NAV2: variants seen among roughly 807,000 people sequenced by gnomAD.
NAV2 encodes the protein neuron navigator 2, also known as helicase, APC down-regulated 1.
A neutral mutation model predicts 223.2 loss-of-function variants in NAV2; 54 were observed. The ratio of observed to expected loss-of-function variants is 0.24; its 90% CI spans 0.19 to 0.30. The LOEUF (loss-of-function observed/expected upper bound fraction) is 0.30. NAV2 is among the 10% of genes least tolerant of loss of function. The probability of loss-of-function intolerance (pLI) is 1.00; values close to 1 mark genes in which losing one functional copy is unlikely to be tolerated. For missense variants in NAV2, 2,806 were observed against 3,147.5 expected, an observed-to-expected ratio of 0.89 and a Z score of 2.60; for synonymous variants, 1,279 against 1,239.3, an observed-to-expected ratio of 1.03 and a Z score of -0.67.
chr11:19,854,611 C>T (rs747060488), intron 3 of NAV2, among the ~76,000 whole-genome samples: 101 of 152,220 alleles, frequency 6.6e-4, no homozygotes, highest in Admixed American at 1.3e-3. Context: ...CATTTGTTAC[C>T]TGCCTATCCC....
intron 1 of NAV2, among the ~76,000 whole-genome samples, chr11:19,746,010 A>G (rs1318431021): frequency 6.6e-6 from 1 of 152,202 alleles, no homozygotes; most frequent in Non-Finnish European, 1.5e-5. Flanking sequence ...CATTTTTATC[A>G]ACATGATTTT....
At chr11:19,479,650 A>G (rs1328086071) in intron 1 of NAV2, among the ~76,000 whole-genome samples, 1 of 152,202 alleles carries the variant, frequency 6.6e-6, no homozygotes, top group Non-Finnish European at 1.5e-5. Context: ...CTTTCATAGA[A>G]AATATATTAG....
intron 12 of NAV2, among the ~76,000 whole-genome samples, chr11:20,040,437 C>T (rs2056805504): frequency 6.6e-6 from 1 of 152,164 alleles, no homozygotes; most frequent in South Asian, 2.1e-4. Context: ...ATTTATCATC[C>T]ATGTTTTATA....
intron 6 of NAV2, among the ~76,000 whole-genome samples, chr11:19,913,043 C>T (rs958289947): frequency 6.6e-6 from 1 of 152,228 alleles, no homozygotes; most frequent in African/African-American, 2.4e-5. Context: ...ATGAAAGCTA[C>T]TCCTCCAGGA....
intron 1 of NAV2, among the ~76,000 whole-genome samples, chr11:19,594,149 T>C (rs4757822): frequency 1.3e-5 from 2 of 152,020 alleles, no homozygotes; most frequent in Admixed American, 6.6e-5. Flanking sequence ...ACAGTAGCTC[T>C]AGGTACCTTG....
intron 4 of NAV2, among the ~76,000 whole-genome samples, chr11:19,879,466 C>T (rs1355980219): frequency 1.3e-5 from 2 of 152,076 alleles, no homozygotes; most frequent in Admixed American, 1.3e-4. Context: ...GGCACACTCA[C>T]TGTGGCTTGA....
intron 11 of NAV2, among the ~76,000 whole-genome samples, chr11:20,000,726 A>G (rs924519159): frequency 1.4e-4 from 22 of 152,268 alleles, no homozygotes; most frequent in African/African-American, 5.3e-4. Flanking sequence ...TGTCATGCTA[A>G]TGACCCAGCC....
At chr11:19,884,210 C>G (rs2063391038) in intron 5 of NAV2, 1 of 996,430 alleles carries the variant, frequency 1.0e-6, no homozygotes, top group Non-Finnish European at 1.6e-6. Context: ...TCCCCATTGT[C>G]AGAAGACTCT....
At chr11:19,975,717 T>C (rs1277456403) in intron 10 of NAV2, among the ~76,000 whole-genome samples, 4 of 152,176 alleles carry the variant, frequency 2.6e-5, no homozygotes, top group Admixed American at 2.6e-4. Flanking sequence ...CACTGCGGAA[T>C]TGGTTTATAG....
At chr11:19,753,309 G>T (rs892803138) in intron 1 of NAV2, among the ~76,000 whole-genome samples, 2 of 152,046 alleles carry the variant, frequency 1.3e-5, no homozygotes, top group African/African-American at 4.8e-5. Context: ...CCTCTGTTTG[G>T]ATAGCCCTTC....
intron 1 of NAV2, among the ~76,000 whole-genome samples, chr11:19,557,540 C>G: frequency 6.6e-6 from 1 of 152,218 alleles, no homozygotes; most frequent in Non-Finnish European, 1.5e-5. Flanking sequence ...AATGAGAAAA[C>G]TGGAACTTCT....
chr11:19,844,822 G>GTTT (rs1197938980), intron 3 of NAV2, among the ~76,000 whole-genome samples: 3 of 133,146 alleles, frequency 2.3e-5, no homozygotes, highest in African/African-American at 8.2e-5. Flanking sequence ...TGAACTGTGT[G>GTTT]TTTTTTTTTT....
chr11:19,616,430 C>G (rs2046796086), intron 1 of NAV2, among the ~76,000 whole-genome samples: 1 of 152,012 alleles, frequency 6.6e-6, no homozygotes, highest in Admixed American at 6.6e-5. Context: ...GCCTTTCTCC[C>G]AAGGGTGTCC....
At chr11:19,418,201 C>A (rs1850461021) in intron 1 of NAV2, among the ~76,000 whole-genome samples, 1 of 152,204 alleles carries the variant, frequency 6.6e-6, no homozygotes, top group African/African-American at 2.4e-5. Context: ...GTCTATCACT[C>A]AATCAACCTC....
At chr11:19,346,782 C>T (rs1424880061), upstream of NAV2, among the ~76,000 whole-genome samples, 1 of 152,162 alleles carries the variant, frequency 6.6e-6, no homozygotes, top group Non-Finnish European at 1.5e-5. Flanking sequence ...AGAAACTCAG[C>T]CCAGAAACCA....
At chr11:19,454,447 T>G (rs894796342) in intron 1 of NAV2, among the ~76,000 whole-genome samples, 1 of 152,162 alleles carries the variant, frequency 6.6e-6, no homozygotes, top group African/African-American at 2.4e-5. Context: ...ACCCTGAGCA[T>G]TGGAGGTTAA....
intron 25 of NAV2, chr11:20,082,642 A>G: frequency 6.3e-7 from 1 of 1,583,716 alleles, no homozygotes; most frequent in Non-Finnish European, 8.7e-7. Context: ...AAGCTAACCC[A>G]TCCATTGATA....
intron 1 of NAV2, among the ~76,000 whole-genome samples, chr11:19,367,124 A>G (rs1474955000): frequency 1.3e-5 from 2 of 152,186 alleles, no homozygotes; most frequent in Admixed American, 6.5e-5. Flanking sequence ...CACCATTTGT[A>G]ATGTCCTGGC....
At chr11:19,655,901 T>TA (rs1317424481) in intron 1 of NAV2, among the ~76,000 whole-genome samples, 1 of 151,564 alleles carries the variant, frequency 6.6e-6, no homozygotes, top group African/African-American at 2.4e-5. Flanking sequence ...ATAAAAAATT[T>TA]AAAAAAAAGA....
Sources: allele counts gnomAD v4.1 joint callset (sites outside exome capture counted in the v4.1 genomes callset), GRCh38; gene constraint gnomAD v4.1.1; transcripts MANE v1.5; gene names NCBI Gene and HGNC (gene_info 2026-07-23, HGNC 2026-07-21).